Variants in DLG2 observed in about 807,000 individuals in gnomAD.
DLG2 encodes the protein discs large MAGUK scaffold protein 2.
A neutral mutation model predicts 132.5 loss-of-function variants in DLG2; 45 were observed. That is an observed-to-expected ratio of 0.34 (90% CI 0.27 to 0.44). DLG2 has a LOEUF of 0.44. Among genes scored for constraint, DLG2 ranks in the 20% least tolerant of loss-of-function variants. The pLI is 1.00. For missense variants in DLG2, 1,045 were observed against 1,196.9 expected (o/e 0.87, Z 1.87); for synonymous variants, 424 against 419.6 (o/e 1.01, Z -0.13).
chr11:83,754,293 T>G (rs17548479), intron 18 of DLG2, among the ~76,000 whole-genome samples: 11,259 of 151,182 alleles, frequency 0.074, 592 homozygotes, highest in South Asian at 0.16. Context: ...TTTTAATGAG[T>G]ATCTACTATT....
chr11:84,907,532 A>C (rs1471469119), intron 6 of DLG2, among the ~76,000 whole-genome samples: 1 of 152,224 alleles, frequency 6.6e-6, no homozygotes, highest in African/African-American at 2.4e-5. Context: ...TTTATGTGTG[A>C]GTCAGTCAAC....
In DLG2 at chr11:83,469,482, T is replaced by A. The variant is rs539452973; in HGVS notation, c.2447-109A>T. ...AACATTGATATGTAGAAATATGTAG[T>A]ATGAAGAAATATGACATAGTAACAG... On this transcript the variant is annotated intron_variant, in intron 24 of 27. Transcript: ENST00000376104. The A allele has an allele frequency of 1.0e-5, 8 of 779,014 alleles. No individual in the cohort carries two copies. In the South Asian group the frequency reaches 1.6e-4, roughly 16 times the overall value. The allele number at this position is 779,014 out of a possible 1,614,324, so 48.3% of individuals were successfully genotyped here.
intron 8 of DLG2, among the ~76,000 whole-genome samples, chr11:84,250,829 C>T (rs370100147): frequency 6.6e-6 from 1 of 152,266 alleles, no homozygotes; most frequent in East Asian, 1.9e-4. Flanking sequence ...TTATTAGAAG[C>T]CCAATAAAAT....
chr11:85,011,926 T>C (rs2059174615), intron 6 of DLG2, among the ~76,000 whole-genome samples: 2 of 152,168 alleles, frequency 1.3e-5, no homozygotes, highest in East Asian at 3.8e-4. Context: ...AGTATGCTTT[T>C]TACTATTCTA....
chr11:85,485,979 C>T (rs1393857200), intron 3 of DLG2, among the ~76,000 whole-genome samples: 1 of 152,154 alleles, frequency 6.6e-6, no homozygotes, highest in African/African-American at 2.4e-5. Context: ...GGATAGTCCA[C>T]ATCATCATGC....
At chr11:85,526,831 G>A (rs1238319616) in intron 3 of DLG2, among the ~76,000 whole-genome samples, 1 of 151,778 alleles carries the variant, frequency 6.6e-6, no homozygotes, top group Non-Finnish European at 1.5e-5. Context: ...CTGTAATTGG[G>A]AGCAAAAAAG....
At chr11:84,408,635 G>A (rs2098874714) in intron 7 of DLG2, among the ~76,000 whole-genome samples, 1 of 152,116 alleles carries the variant, frequency 6.6e-6, no homozygotes, top group Non-Finnish European at 1.5e-5. Flanking sequence ...TTGCAGAAGT[G>A]ACTTCTTCCT....
chr11:83,571,579 C>A (rs867027227), intron 19 of DLG2, among the ~76,000 whole-genome samples: 1 of 131,786 alleles, frequency 7.6e-6, no homozygotes, highest in African/African-American at 2.9e-5. Context: ...GTTATTCGAG[C>A]GAGACTCCGT....
intron 3 of DLG2, among the ~76,000 whole-genome samples, chr11:85,290,359 G>A (rs2078817910): frequency 6.6e-6 from 1 of 152,060 alleles, no homozygotes; most frequent in African/African-American, 2.4e-5. Context: ...AATTTCCTGG[G>A]GACATGGGGC....
chr11:84,668,907 A>C (rs1020774633), intron 6 of DLG2, among the ~76,000 whole-genome samples: 2 of 152,180 alleles, frequency 1.3e-5, no homozygotes, highest in Non-Finnish European at 2.9e-5. Context: ...TTGAGCATCC[A>C]CAATGTGCCA....
At chr11:84,087,750 G>C (rs955641567) in intron 10 of DLG2, among the ~76,000 whole-genome samples, 3 of 152,180 alleles carry the variant, frequency 2.0e-5, no homozygotes, top group African/African-American at 7.2e-5. Context: ...AAGTGATTCA[G>C]ATGGCCTTTT....
At chr11:84,359,531 GT>G (rs1242937678) in intron 7 of DLG2, among the ~76,000 whole-genome samples, 1 of 151,852 alleles carries the variant, frequency 6.6e-6, no homozygotes, top group Non-Finnish European at 1.5e-5. Context: ...CTGGAATTTA[GT>G]TTTTCCAAGT....
At chr11:84,059,718 C>G (rs1466969129) in intron 10 of DLG2, among the ~76,000 whole-genome samples, 1 of 152,132 alleles carries the variant, frequency 6.6e-6, no homozygotes, top group African/African-American at 2.4e-5. Flanking sequence ...AGTTCCCATC[C>G]TAAACTCCAG....
At chr11:84,970,125 C>G (rs1592012696) in intron 6 of DLG2, among the ~76,000 whole-genome samples, 1 of 151,912 alleles carries the variant, frequency 6.6e-6, no homozygotes, top group East Asian at 1.9e-4. Context: ...ATGTAACAAA[C>G]CTGCACGTTC....
intron 6 of DLG2, among the ~76,000 whole-genome samples, chr11:84,591,225 G>GTGTGTGTGTT (rs1555073634): frequency 6.4e-5 from 5 of 78,234 alleles, no homozygotes; most frequent in Non-Finnish European, 1.4e-4. Context: ...GTGTCTCTCT[G>GTGTGTGTGTT]TGTGTGTGTG....
intron 6 of DLG2, among the ~76,000 whole-genome samples, chr11:84,959,999 A>T (rs1462743158): frequency 6.6e-6 from 1 of 152,244 alleles, no homozygotes; most frequent in East Asian, 1.9e-4. Flanking sequence ...AAGAATTAGC[A>T]TATAATAAAT....
intron 18 of DLG2, among the ~76,000 whole-genome samples, chr11:83,699,099 T>G (rs1211690181): frequency 1.3e-5 from 2 of 152,156 alleles, no homozygotes; most frequent in Middle Eastern, 3.2e-3. Context: ...AAATAACTGC[T>G]TCCAAATATC....
intron 6 of DLG2, among the ~76,000 whole-genome samples, chr11:84,634,788 A>C (rs1035401249): frequency 5.9e-5 from 9 of 152,228 alleles, no homozygotes; most frequent in African/African-American, 2.2e-4. Context: ...GAGCCACAGT[A>C]ACAAACTTGA....
At chr11:83,890,666 G>A (rs1263489820) in intron 15 of DLG2, among the ~76,000 whole-genome samples, 2 of 152,118 alleles carry the variant, frequency 1.3e-5, no homozygotes, top group African/African-American at 4.8e-5. Context: ...TTCACAGTTT[G>A]CTCTGATGGG....
Sources: gnomAD v4.1 joint callset for allele counts (sites outside exome capture counted in the v4.1 genomes callset) on GRCh38, gnomAD v4.1.1 for gene constraint, MANE v1.5 for transcripts, NCBI Gene and HGNC (gene_info 2026-07-23, HGNC 2026-07-21) for gene names.